PRPF18: variants seen among roughly 807,000 people sequenced by gnomAD.
PRPF18 encodes pre-mRNA processing factor 18.
PRPF18 carries 38 observed loss-of-function variants against 46.5 expected under a neutral mutation model. The ratio of observed to expected loss-of-function variants is 0.82; its 90% CI spans 0.63 to 1.07. The LOEUF is 1.07. PRPF18 is among the 50% of genes least tolerant of loss of function. The pLI is 0.00. For synonymous variants in PRPF18, 152 were observed against 146.7 expected (o/e 1.04, Z -0.26); for missense variants, 263 against 410.0 (o/e 0.64, Z 3.10).
intron 9 of PRPF18, among the ~76,000 whole-genome samples, chr10:13,624,946 A>T (rs983765645): frequency 6.6e-6 from 1 of 152,366 alleles, no homozygotes; most frequent in Non-Finnish European, 1.5e-5. Context: ...AAAGTCTCCA[A>T]CATGAAAACA....
intron 9 of PRPF18, among the ~76,000 whole-genome samples, chr10:13,620,300 C>G (rs950513911): frequency 2.6e-5 from 4 of 152,208 alleles, no homozygotes; most frequent in African/African-American, 7.2e-5. Flanking sequence ...GGGCTGAGAA[C>G]CACAGTTTGC....
downstream of PRPF18, among the ~76,000 whole-genome samples, chr10:13,635,775 A>C (rs1177172894): frequency 6.6e-6 from 1 of 152,182 alleles, no homozygotes; most frequent in African/African-American, 2.4e-5. Flanking sequence ...AGCAATTATC[A>C]GTAGAATTAA....
In PRPF18 at chr10:13,613,768, T is replaced by A; in HGVS notation, c.607T>A (p.Leu203Met). 2 of 1,613,664 alleles carry A rather than the reference T, an allele frequency of 1.2e-6. No individual in the cohort carries two copies. The highest frequency in any genetic ancestry group is 1.7e-6 in the Non-Finnish European group (2 of 1,179,926). The change falls in exon 7 of 10, where the codon TTG becomes ATG. Residue 203 changes from leucine (L) to methionine (M), a missense_variant. This residue lies in a region of PRPF18 where 155 missense variants were observed against 245.1 expected (regional missense o/e 0.63). Coordinates refer to ENST00000378572, the MANE Select transcript of PRPF18 (RefSeq NM_003675.4). ...TCTTCTTGGCGTTTGGGCTAAAGAATTGAATGCCAGAGAAGATTATGTGAA... is the reference window on the plus strand; with the variant it reads ...TCTTCTTGGCGTTTGGGCTAAAGAAATGAATGCCAGAGAAGATTATGTGAA... ...KFLLGVWAKELNAREDYVKRS... is the reference protein window; with the variant it reads ...KFLLGVWAKEMNAREDYVKRS...
intron 4 of PRPF18, among the ~76,000 whole-genome samples, chr10:13,607,749 T>C (rs2080211669): frequency 6.6e-6 from 1 of 152,236 alleles, no homozygotes; most frequent in Non-Finnish European, 1.5e-5. Flanking sequence ...TTGCTTTTTG[T>C]GTCCTGCTTA....
the PRPF18 span, chr10:13,643,986 T>C: frequency 1.3e-5 from 2 of 152,642 alleles, no homozygotes; most frequent in Non-Finnish European, 1.5e-5. Context: ...TAATAAACTA[T>C]TGACATTAAT....
chr10:13,643,790 A>T, the PRPF18 span: 1 of 152,684 alleles, frequency 6.5e-6, no homozygotes, highest in Non-Finnish European at 1.5e-5. Context: ...CTTAATACAA[A>T]AAGAATAAAT....
the PRPF18 span, chr10:13,641,842 T>C: frequency 6.6e-6 from 1 of 151,994 alleles, no homozygotes; most frequent in Non-Finnish European, 1.5e-5. Flanking sequence ...TGGGGAGGGG[T>C]GAAAGCATAA....
chr10:13,597,857 C>T (rs888374070), intron 2 of PRPF18, among the ~76,000 whole-genome samples: 3 of 151,710 alleles, frequency 2.0e-5, no homozygotes, highest in Non-Finnish European at 4.4e-5. Flanking sequence ...AGCTCCACCA[C>T]CACTCCTCTC....
intron 9 of PRPF18, among the ~76,000 whole-genome samples, 195 bp from the exon 10 acceptor site, chr10:13,630,065 A>T (rs1030132175): frequency 6.6e-6 from 1 of 152,242 alleles, no homozygotes; most frequent in Non-Finnish European, 1.5e-5. Flanking sequence ...TATTGTGAAC[A>T]GTTCTGTGAT....
Position 13,592,905 on chromosome 10 carries a change from C to T in PRPF18, c.67-4553C>T, listed in dbSNP as rs117167183. On this transcript the variant is annotated intron_variant, in intron 1 of 9. Transcript: ENST00000378572. ...TGCTACAATAATCAAAACAGCATAG[C>T]GCTGGCATAAAGAGCAACAGCTAAC... Among the ~76,000 whole-genome samples the T allele has an allele frequency of 7.8e-3, 1,187 of 152,262 alleles. 5 individuals are homozygous for T. The highest frequency in any genetic ancestry group is 0.013 in the Non-Finnish European group (874 of 68,020).
chr10:13,611,249 T>G (rs2133683799), intron 5 of PRPF18, among the ~76,000 whole-genome samples: 1 of 152,056 alleles, frequency 6.6e-6, no homozygotes, highest in Non-Finnish European at 1.5e-5. Context: ...AACAGCTTTA[T>G]TGAGATATTG....
At chr10:13,644,369 A>G in the PRPF18 span, 2 of 152,340 alleles carry the variant, frequency 1.3e-5, no homozygotes, top group East Asian at 1.9e-4. Context: ...CACACTGATC[A>G]TTAATCATGT....
chr10:13,634,843 G>A (rs911436403), downstream of PRPF18, among the ~76,000 whole-genome samples: 6 of 152,146 alleles, frequency 3.9e-5, no homozygotes, highest in Non-Finnish European at 8.8e-5. Context: ...ACTCATTAAT[G>A]TATGGTGGTC....
intron 9 of PRPF18, among the ~76,000 whole-genome samples, chr10:13,622,812 G>A (rs994337092): frequency 3.9e-5 from 6 of 152,136 alleles, no homozygotes; most frequent in Non-Finnish European, 8.8e-5. Flanking sequence ...CTTATCTGCC[G>A]TCATCCCAAC....
chr10:13,647,853 A>T, the PRPF18 span: 3 of 151,962 alleles, frequency 2.0e-5, no homozygotes, highest in Admixed American at 6.6e-5. Context: ...ACTAGGGATC[A>T]TGATTCGGAA....
chr10:13,645,452 C>T, the PRPF18 span: 2 of 151,728 alleles, frequency 1.3e-5, no homozygotes, highest in Non-Finnish European at 2.9e-5. Context: ...CAACTAAAGT[C>T]GTGCACTTGT....
At chr10:13,643,897 C>T in the PRPF18 span, 2 of 152,652 alleles carry the variant, frequency 1.3e-5, no homozygotes, top group Non-Finnish European at 2.9e-5. Context: ...AATCATTTTA[C>T]ATGCTCTACA....
At chr10:13,622,506 A>G (rs1336674733) in intron 9 of PRPF18, among the ~76,000 whole-genome samples, 1 of 152,230 alleles carries the variant, frequency 6.6e-6, no homozygotes, top group East Asian at 1.9e-4. Flanking sequence ...ATCTTCCCTC[A>G]AATTAGTCAT....
In PRPF18 at chr10:13,611,624, G is replaced by C. The variant is rs1413001224; in HGVS notation, c.520G>C (p.Glu174Gln). ...GTTTCTTTTTCTTCAGGCGCTTGGA[G>C]AGTCCTTAGGGAAAGGCGATGATCA... ...TTIEELEALG[E>Q]SLGKGDDHKD... is the part of the protein sequence containing the mutation. The change falls in exon 6 of 10, where the codon GAG becomes CAG. Residue 174 changes from glutamate (E) to glutamine (Q), a missense_variant. Physicochemically the swap from Glu to Gln is conservative, Grantham distance 29. Coordinates refer to ENST00000378572, the MANE Select transcript of PRPF18 (RefSeq NM_003675.4). 1.2e-6 allele frequency: 2 copies of C among 1,613,728 alleles called. No individual in the cohort carries two copies. The highest frequency in any genetic ancestry group is 1.7e-6 in the Non-Finnish European group (2 of 1,179,848).
Sources: allele counts gnomAD v4.1 joint callset (sites outside exome capture counted in the v4.1 genomes callset), GRCh38; gene constraint gnomAD v4.1.1; regional missense constraint gnomAD v4.1.1; transcripts MANE v1.5; gene names NCBI Gene and HGNC (gene_info 2026-07-23, HGNC 2026-07-21).